Variants in MACROD1 observed in about 807,000 individuals in gnomAD.
MACROD1 encodes mono-ADP ribosylhydrolase 1, also known as ADP-ribose glycohydrolase MACROD1.
MACROD1 carries 31 observed loss-of-function variants against 41.4 expected under a neutral mutation model. The ratio of observed to expected loss-of-function variants is 0.75; its 90% CI spans 0.56 to 1.01. The LOEUF is 1.01. Ranked by LOEUF, MACROD1 falls within the 50% of genes least tolerant of loss-of-function variation. The probability of loss-of-function intolerance (pLI) is 0.00; values close to 1 mark genes in which losing one functional copy is unlikely to be tolerated. For missense variants in MACROD1, 473 were observed against 460.0 expected, an observed-to-expected ratio of 1.03 and a Z score of -0.26; for synonymous variants, 252 against 203.4, an observed-to-expected ratio of 1.24 and a Z score of -2.03.
intron 3 of MACROD1, among the ~76,000 whole-genome samples, chr11:64,124,651 G>A (rs188443667): frequency 2.2e-4 from 34 of 152,000 alleles, no homozygotes; most frequent in South Asian, 1.0e-3. Context: ...TGTGCCTGGA[G>A]ACCCCCAAAG....
intron 1 of MACROD1, among the ~76,000 whole-genome samples, chr11:64,159,194 C>T (rs2134727215): frequency 6.6e-6 from 1 of 152,070 alleles, no homozygotes; most frequent in East Asian, 1.9e-4. Context: ...TGGCACAGGC[C>T]TGTAATCCCA....
chr11:64,153,430 C>G (rs1272782333), intron 1 of MACROD1, among the ~76,000 whole-genome samples: 1 of 152,038 alleles, frequency 6.6e-6, no homozygotes, highest in Non-Finnish European at 1.5e-5. Flanking sequence ...AAAGGAAGGA[C>G]TGCAGCCTGG....
chr11:64,074,633 G>A (rs1944169298), intron 3 of MACROD1, among the ~76,000 whole-genome samples: 2 of 152,224 alleles, frequency 1.3e-5, no homozygotes, highest in Non-Finnish European at 1.5e-5. Flanking sequence ...TTTCCCCAAG[G>A]GGGGCTGTGC....
At chr11:64,001,814 A>G (rs998384145) in intron 4 of MACROD1, 95 of 695,224 alleles carry the variant, frequency 1.4e-4, no homozygotes, top group South Asian at 1.3e-3. Context: ...CTGGGAAGTG[A>G]GTGTTCCGAA....
chr11:64,142,804 C>T (rs1405277333), intron 3 of MACROD1, among the ~76,000 whole-genome samples: 1 of 151,994 alleles, frequency 6.6e-6, no homozygotes, highest in Admixed American at 6.6e-5. Context: ...TCCAGACGAC[C>T]CAGAGGGAGC....
rs548000631 is a variant in MACROD1, at chr11:64,062,864, C to G, written c.518-47583G>C. Among the ~76,000 whole-genome samples, 14 of 152,314 alleles carry G rather than the reference C, an allele frequency of 9.2e-5. No individual in the cohort carries two copies. The South Asian group carries it at 2.7e-3, about 29-fold the overall frequency. On this transcript the variant is annotated intron_variant, in intron 3 of 10. Coordinates refer to ENST00000255681, the MANE Select transcript of MACROD1 (RefSeq NM_014067.4). ...CAGCAGGGGCACCTCCACCCCGGCC[C>G]CGCCTCCTAGGCCAGTCCTTCCCAG...
chr11:64,009,082 A>AAAAGAGCGC (rs1942960915), intron 4 of MACROD1: 1 of 152,178 alleles, frequency 6.6e-6, no homozygotes, highest in Non-Finnish European at 1.5e-5. Context: ...GGGTAATTGA[A>AAAAGAGCGC]AAAGAGCGCA....
chr11:64,013,449 C>T (rs376992839), intron 4 of MACROD1, among the ~76,000 whole-genome samples: 72 of 152,280 alleles, frequency 4.7e-4, no homozygotes, highest in African/African-American at 1.6e-3. Context: ...GGCAAAGGCC[C>T]GGAGGCAGGA....
chr11:64,000,358 G>A lies in MACROD1; in HGVS notation c.548-15C>T. ...GCAGCCGTCCACTGCGGGAAGGGCG[G>A]GCGCGACTGAGCTGGCCTGGCAAGG... is the stretch of plus-strand genomic sequence containing the variant. On this transcript the variant is annotated splice_polypyrimidine_tract_variant and intron_variant, in intron 4 of 10. Transcript: ENST00000255681. 1 of 1,538,636 alleles carries A rather than the reference G, an allele frequency of 6.5e-7. No individual in the cohort carries two copies.
chr11:64,148,751 G>A, intron 3 of MACROD1: 3 of 985,756 alleles, frequency 3.0e-6, no homozygotes, highest in Non-Finnish European at 3.6e-6. Flanking sequence ...CCCTGCCGTT[G>A]CCAACGACTT....
intron 3 of MACROD1, among the ~76,000 whole-genome samples, chr11:64,048,756 T>C (rs1375129906): frequency 1.3e-5 from 2 of 152,140 alleles, no homozygotes; most frequent in Non-Finnish European, 2.9e-5. Flanking sequence ...CCAGATCCCA[T>C]AACTCTAAGG....
At chr11:64,044,779 G>C (rs1943553921) in intron 3 of MACROD1, among the ~76,000 whole-genome samples, 1 of 152,110 alleles carries the variant, frequency 6.6e-6, no homozygotes, top group Non-Finnish European at 1.5e-5. Flanking sequence ...CCCCTCACCA[G>C]ACCCCTCCCC....
chr11:64,023,018 C>G (rs937526847), intron 3 of MACROD1, among the ~76,000 whole-genome samples: 1 of 152,032 alleles, frequency 6.6e-6, no homozygotes, highest in Non-Finnish European at 1.5e-5. Context: ...TGTGCCACCA[C>G]GCCGGGCTAA....
chr11:64,099,115 C>T (rs1944627817), intron 3 of MACROD1, among the ~76,000 whole-genome samples: 1 of 152,220 alleles, frequency 6.6e-6, no homozygotes, highest in Non-Finnish European at 1.5e-5. Context: ...CACAGCCAGA[C>T]CTGCCTCCCT....
At chr11:64,020,936 C>T (rs1203184933) in intron 3 of MACROD1, among the ~76,000 whole-genome samples, 6 of 152,036 alleles carry the variant, frequency 3.9e-5, no homozygotes, top group Non-Finnish European at 8.8e-5. Context: ...AGGCTGGTCT[C>T]GAACTCCTGA....
chr11:64,072,094 G>C (rs2134464610), intron 3 of MACROD1, among the ~76,000 whole-genome samples: 2 of 152,366 alleles, frequency 1.3e-5, no homozygotes, highest in South Asian at 4.1e-4. Context: ...CGAATCGACT[G>C]CTGAACTCAT....
chr11:64,142,366 C>CA (rs1267782501), intron 3 of MACROD1, among the ~76,000 whole-genome samples: 2 of 152,266 alleles, frequency 1.3e-5, no homozygotes, highest in East Asian at 1.9e-4. Context: ...CCTACCTCTA[C>CA]AAAAAAATTT....
chr11:64,157,090 GTGTT>G (rs1241626685), intron 1 of MACROD1, among the ~76,000 whole-genome samples: 2 of 151,950 alleles, frequency 1.3e-5, no homozygotes, highest in Non-Finnish European at 2.9e-5. Context: ...ACGCATTTCT[GTGTT>G]TTTTTTTTAT....
In MACROD1 at chr11:64,116,387, G is replaced by C. The variant is rs772274578; in HGVS notation, c.517+34852C>G. 2.5e-6 allele frequency: 4 copies of C among 1,613,664 alleles called. No individual in the cohort carries two copies. In the East Asian group the frequency reaches 8.9e-5, roughly 36 times the overall value. ...GGGACTGGCTGTTCCTCTGCTACGG[G>C]CTCATCGCCTTCCTGACGGAGGTCA... On this transcript the variant is annotated intron_variant, in intron 3 of 10. Transcript: ENST00000255681.
Sources: allele counts gnomAD v4.1 joint callset (sites outside exome capture counted in the v4.1 genomes callset), GRCh38; gene constraint gnomAD v4.1.1; transcripts MANE v1.5; gene names NCBI Gene and HGNC (gene_info 2026-07-23, HGNC 2026-07-21).